Variants in GABRA5 observed in about 807,000 individuals in gnomAD.
GABRA5 encodes gamma-aminobutyric acid type A receptor subunit alpha5.
A neutral mutation model predicts 47.3 loss-of-function variants in GABRA5; 18 were observed. The ratio of observed to expected loss-of-function variants is 0.38; its 90% CI spans 0.26 to 0.56. The LOEUF is 0.56. GABRA5 is among the 20% of genes least tolerant of loss of function. GABRA5 has a pLI of 0.71. For synonymous variants in GABRA5, 237 were observed against 229.3 expected, an observed-to-expected ratio of 1.03 and a Z score of -0.30; for missense variants, 365 against 599.3, an observed-to-expected ratio of 0.61 and a Z score of 4.08.
Position 26,883,582 on chromosome 15 carries a change from G to A in GABRA5, c.497+25G>A. 4.1e-6 allele frequency: 6 copies of A among 1,460,364 alleles called. No homozygotes were observed. Among genetic ancestry groups the A allele is most frequent in the South Asian group, 1.2e-5 (1 of 82,862 alleles). The allele number at this position is 1,460,364 out of a possible 1,614,324, so 90.5% of individuals were successfully genotyped here. On this transcript the variant is annotated intron_variant, in intron 6 of 10. Coordinates refer to ENST00000335625, the MANE Select transcript of GABRA5 (RefSeq NM_000810.4). This position sits in a 1 kb window ranked among gnomAD's most constrained non-coding sequence, Gnocchi z 4.8. ...GGTGAGCGCCGGGCGGGGGCGGGCG[G>A]GGCCGGGGGACGGTGCGGGGCAGGC... is the stretch of plus-strand genomic sequence containing the variant.
intron 6 of GABRA5, among the ~76,000 whole-genome samples, chr15:26,887,584 C>T (rs2140262071): frequency 6.6e-6 from 1 of 152,114 alleles, no homozygotes; most frequent in East Asian, 1.9e-4. Context: ...CCTCCACCCA[C>T]CTCGGCCTCC....
At chr15:26,939,162 A>T in intron 8 of GABRA5, 1 of 747,352 alleles carries the variant, frequency 1.3e-6, no homozygotes, top group South Asian at 1.4e-5. Context: ...AAGGTGAGGC[A>T]AATCCAGGTA....
chr15:26,928,369 A>G (rs1894010085), intron 7 of GABRA5, among the ~76,000 whole-genome samples: 1 of 152,174 alleles, frequency 6.6e-6, no homozygotes, highest in Admixed American at 6.5e-5. Flanking sequence ...CGACAGTTGT[A>G]GAAACATACT....
intron 6 of GABRA5, among the ~76,000 whole-genome samples, chr15:26,887,612 A>G (rs1167565628): frequency 6.6e-6 from 1 of 152,138 alleles, no homozygotes; most frequent in African/African-American, 2.4e-5. Flanking sequence ...TCGGCCTCCC[A>G]AAGTGCTGGG....
At chr15:26,941,408 C>G (rs886914548) in intron 9 of GABRA5, among the ~76,000 whole-genome samples, 7 of 152,042 alleles carry the variant, frequency 4.6e-5, no homozygotes, top group Non-Finnish European at 8.8e-5. Flanking sequence ...TAGAACACTT[C>G]CCCCGCAACA....
At chr15:26,944,602 G>C (rs35832850) in intron 10 of GABRA5, among the ~76,000 whole-genome samples, 55,467 of 152,102 alleles carry the variant, frequency 0.36, 11,527 homozygotes, top group Middle Eastern at 0.6. Flanking sequence ...CGGGGGCTGG[G>C]AGCAGGCTGT....
chr15:26,900,965 A>G (rs1012392103), intron 6 of GABRA5, among the ~76,000 whole-genome samples: 1 of 152,062 alleles, frequency 6.6e-6, no homozygotes, highest in Non-Finnish European at 1.5e-5. Context: ...CGTGTGTCAT[A>G]TTTTCAAACT....
chr15:26,885,005 A>G (rs1277147838), intron 6 of GABRA5, among the ~76,000 whole-genome samples: 2 of 152,076 alleles, frequency 1.3e-5, no homozygotes, highest in Non-Finnish European at 1.5e-5. Flanking sequence ...TAAAGAATGT[A>G]GTGACTCAGG....
chr15:26,936,799 G>T (rs149831846), intron 7 of GABRA5, among the ~76,000 whole-genome samples: 1 of 152,190 alleles, frequency 6.6e-6, no homozygotes, highest in Admixed American at 6.5e-5. Context: ...AGACATGGTT[G>T]CTGTTTTTAT....
intron 3 of GABRA5, among the ~76,000 whole-genome samples, chr15:26,879,071 A>G (rs904777251): frequency 9.2e-5 from 14 of 152,328 alleles, no homozygotes; most frequent in African/African-American, 3.4e-4. Context: ...ATTTAGGAAC[A>G]TTTTCACAAC....
intron 6 of GABRA5, among the ~76,000 whole-genome samples, chr15:26,896,806 C>T (rs929459362): frequency 1.3e-5 from 2 of 152,078 alleles, no homozygotes; most frequent in African/African-American, 4.8e-5. Context: ...CAGTCATCAC[C>T]AAGTTGGCCC....
At chr15:26,939,808 C>G in intron 8 of GABRA5, 117 bp from the exon 9 acceptor site, 1 of 988,032 alleles carries the variant, frequency 1.0e-6, no homozygotes, top group Non-Finnish European at 1.6e-6. Flanking sequence ...CCAGATCATA[C>G]AAATGAATGC....
intron 6 of GABRA5, among the ~76,000 whole-genome samples, chr15:26,910,921 G>A (rs544643796): frequency 2.2e-4 from 33 of 152,208 alleles, no homozygotes; most frequent in African/African-American, 7.2e-4. Flanking sequence ...GTGTGGAGGC[G>A]GCTGGTTCCA....
At chr15:26,908,147 C>A (rs986129168) in intron 6 of GABRA5, among the ~76,000 whole-genome samples, 3 of 152,086 alleles carry the variant, frequency 2.0e-5, no homozygotes, top group Non-Finnish European at 2.9e-5. Context: ...TATTTCAGTT[C>A]TTTTTAATTG....
rs139919708 is a variant in GABRA5, at chr15:26,871,209, C to G, written c.86+1875C>G. Among the ~76,000 whole-genome samples the G allele has an allele frequency of 4.8e-3, 733 of 152,228 alleles. 3 individuals are homozygous for G. Among genetic ancestry groups the G allele is most frequent in the Non-Finnish European group, 7.1e-3 (482 of 68,008 alleles). On this transcript the variant is annotated intron_variant, in intron 3 of 10. Transcript: ENST00000335625. ...ACTTTGTCTCAAAAACAAAACAAAA[C>G]AAAACAAAACAAACAAAGAAACAAA...
chr15:26,906,413 T>G (rs966302221), intron 6 of GABRA5, among the ~76,000 whole-genome samples: 13 of 152,184 alleles, frequency 8.5e-5, no homozygotes, highest in African/African-American at 2.7e-4. Context: ...TAACTTTGCT[T>G]TCTTCTTGTG....
intron 4 of GABRA5, 25 bp downstream of exon 4, chr15:26,880,992 C>T: frequency 6.2e-7 from 1 of 1,610,554 alleles, no homozygotes; most frequent in Non-Finnish European, 8.5e-7. Flanking sequence ...CTCAGCTGAG[C>T]CCAGCAAGGA....
intron 3 of GABRA5, among the ~76,000 whole-genome samples, chr15:26,870,155 C>T (rs1021134425): frequency 2.6e-5 from 4 of 152,152 alleles, no homozygotes; most frequent in Non-Finnish European, 2.9e-5. Context: ...AAATGGGGTC[C>T]AGAGGTTTCA....
intron 10 of GABRA5, among the ~76,000 whole-genome samples, chr15:26,944,996 G>A (rs1894477082): frequency 6.6e-6 from 1 of 152,208 alleles, no homozygotes; most frequent in Non-Finnish European, 1.5e-5. Context: ...TGCCTCCTGT[G>A]GCGGCTGATC....
Sources: gnomAD v4.1 joint callset for allele counts (sites outside exome capture counted in the v4.1 genomes callset) on GRCh38, gnomAD v4.1.1 for gene constraint, Gnocchi (gnomAD v3.1) non-coding constraint, MANE v1.5 for transcripts, NCBI Gene and HGNC (gene_info 2026-07-23, HGNC 2026-07-21) for gene names.